DPYD: variants seen among roughly 807,000 people sequenced by gnomAD.
The protein encoded by DPYD is dihydropyrimidine dehydrogenase, also known as dihydropyrimidine dehydrogenase [NADP(+)].
In DPYD, 109 loss-of-function variants were observed where a neutral mutation model predicts 116.2. The observed-to-expected ratio is 0.94, with a 90% confidence interval of 0.80 to 1.10. The LOEUF is 1.10. Ranked by LOEUF, DPYD falls within the 50% of genes least tolerant of loss-of-function variation. DPYD has a pLI of 0.00. For missense variants in DPYD, 1,302 were observed against 1,254.5 expected (o/e 1.04, Z -0.57); for synonymous variants, 440 against 432.0 (o/e 1.02, Z -0.23).
intron 11 of DPYD, among the ~76,000 whole-genome samples, chr1:97,555,783 C>G (rs915422357): frequency 5.3e-5 from 8 of 152,160 alleles, no homozygotes; most frequent in African/African-American, 1.4e-4. Context: ...AAGCCATTCT[C>G]TCCACATGGG....
chr1:97,539,974 G>A (rs2102051644), intron 12 of DPYD, among the ~76,000 whole-genome samples: 1 of 151,708 alleles, frequency 6.6e-6, no homozygotes, highest in Admixed American at 6.5e-5. Context: ...TGCTGTGTGA[G>A]TGGATAAAAC....
intron 4 of DPYD, among the ~76,000 whole-genome samples, chr1:97,734,812 G>A (rs369274730): frequency 9.9e-4 from 151 of 151,936 alleles, no homozygotes; most frequent in African/African-American, 3.4e-3. Flanking sequence ...CAAGCATATA[G>A]GTTTTAGAAA....
intron 15 of DPYD, among the ~76,000 whole-genome samples, chr1:97,375,652 T>G (rs1424133723): frequency 1.3e-5 from 2 of 152,172 alleles, no homozygotes; most frequent in Non-Finnish European, 2.9e-5. Context: ...AGCTAAGGAA[T>G]TGGGGATGAT....
intron 8 of DPYD, among the ~76,000 whole-genome samples, chr1:97,611,424 T>C (rs1241309509): frequency 1.3e-5 from 2 of 151,958 alleles, no homozygotes; most frequent in African/African-American, 4.8e-5. Context: ...TATCAGTGAG[T>C]TTATACAAAA....
intron 20 of DPYD, among the ~76,000 whole-genome samples, chr1:97,105,240 T>C (rs879721144): frequency 4.0e-5 from 6 of 151,826 alleles, no homozygotes; most frequent in Non-Finnish European, 8.8e-5. Flanking sequence ...GCATTATGCA[T>C]GGAGAAATGT....
chr1:97,352,118 A>T (rs1223944373), intron 16 of DPYD, among the ~76,000 whole-genome samples: 2 of 152,166 alleles, frequency 1.3e-5, no homozygotes, highest in Admixed American at 6.5e-5. Context: ...AGCAGAAAAA[A>T]GTCCTTCTCA....
intron 13 of DPYD, among the ~76,000 whole-genome samples, chr1:97,482,077 C>G (rs1402632187): frequency 6.6e-6 from 1 of 152,070 alleles, no homozygotes; most frequent in Non-Finnish European, 1.5e-5. Context: ...AAAGTTATAA[C>G]AAAGTATATT....
chr1:97,635,620 G>C (rs1208129958), intron 8 of DPYD, among the ~76,000 whole-genome samples: 6 of 152,048 alleles, frequency 3.9e-5, no homozygotes, highest in Admixed American at 3.9e-4. Flanking sequence ...TCAAGGGCAG[G>C]GAATACGTCT....
intron 15 of DPYD, among the ~76,000 whole-genome samples, chr1:97,376,849 A>G (rs1436298871): frequency 7.6e-6 from 1 of 132,004 alleles, no homozygotes; most frequent in Non-Finnish European, 1.6e-5. Context: ...ATCTATACAC[A>G]GTAGAAAGAG....
chr1:97,809,601 G>T (rs1404293671), intron 3 of DPYD, among the ~76,000 whole-genome samples: 2 of 152,172 alleles, frequency 1.3e-5, no homozygotes, highest in Non-Finnish European at 2.9e-5. Context: ...CCTAAAATTT[G>T]GGAGTAAGCT....
chr1:97,712,492 A>G (rs1662345948), intron 5 of DPYD, among the ~76,000 whole-genome samples: 1 of 151,966 alleles, frequency 6.6e-6, no homozygotes, highest in African/African-American at 2.4e-5. Context: ...TTATAATATT[A>G]TTTGTGTTTC....
At chr1:97,741,783 G>A (rs1664283670) in intron 3 of DPYD, among the ~76,000 whole-genome samples, 1 of 152,054 alleles carries the variant, frequency 6.6e-6, no homozygotes, top group Non-Finnish European at 1.5e-5. Context: ...TGGTCAATGT[G>A]GTCAATGAGA....
chr1:97,465,447 C>T (rs1388305547), intron 13 of DPYD, among the ~76,000 whole-genome samples: 3 of 152,106 alleles, frequency 2.0e-5, no homozygotes, highest in South Asian at 4.2e-4. Flanking sequence ...TGTCTCCACC[C>T]AAATCTCATC....
chr1:97,756,730 T>C (rs1391854907), intron 3 of DPYD, among the ~76,000 whole-genome samples: 1 of 152,188 alleles, frequency 6.6e-6, no homozygotes, highest in Non-Finnish European at 1.5e-5. Context: ...AATCCTTTCA[T>C]ATTGAAGAGG....
intron 8 of DPYD, among the ~76,000 whole-genome samples, chr1:97,601,423 AC>A (rs1318280175): frequency 1.3e-5 from 2 of 152,050 alleles, no homozygotes; most frequent in African/African-American, 4.8e-5. Flanking sequence ...GTGGCTGTAT[AC>A]AGGATGTGTA....
chr1:97,916,882 C>A (rs1256192864), intron 1 of DPYD, among the ~76,000 whole-genome samples: 1 of 152,102 alleles, frequency 6.6e-6, no homozygotes, highest in Non-Finnish European at 1.5e-5. Context: ...TCAACACACT[C>A]AACTACAGAA....
intron 14 of DPYD, among the ~76,000 whole-genome samples, chr1:97,437,477 T>G (rs1557710984): frequency 2.0e-5 from 3 of 151,892 alleles, no homozygotes; most frequent in African/African-American, 7.2e-5. Context: ...TCCCAGGTTT[T>G]TTGTTGTTGT....
At chr1:97,083,171 T>A (rs972474750) in intron 21 of DPYD, among the ~76,000 whole-genome samples, 1 of 152,134 alleles carries the variant, frequency 6.6e-6, no homozygotes. Flanking sequence ...GTGCCTAATA[T>A]GTGAAGCACA....
chr1:97,804,479 T>G (rs1221782241), intron 3 of DPYD, among the ~76,000 whole-genome samples: 1 of 151,800 alleles, frequency 6.6e-6, no homozygotes, highest in Non-Finnish European at 1.5e-5. Flanking sequence ...GAAAAATAAA[T>G]GAAAACATTT....
Sources: gnomAD v4.1 joint callset for allele counts (sites outside exome capture counted in the v4.1 genomes callset) on GRCh38, gnomAD v4.1.1 for gene constraint, MANE v1.5 for transcripts, NCBI Gene and HGNC (gene_info 2026-07-23, HGNC 2026-07-21) for gene names.